Variants in HECTD4 observed in about 807,000 individuals in gnomAD.
The protein encoded by HECTD4 is probable E3 ubiquitin-protein ligase HECTD4.
A neutral mutation model predicts 471.5 loss-of-function variants in HECTD4; 114 were observed. That is an observed-to-expected ratio of 0.24 (90% confidence interval 0.21 to 0.28). HECTD4 has a LOEUF of 0.28. HECTD4 is among the 10% of genes least tolerant of loss of function. The pLI, the probability that HECTD4 is intolerant of heterozygous loss-of-function variation, is 1.00. For synonymous variants in HECTD4, 2,012 were observed against 2,256.0 expected, an observed-to-expected ratio of 0.89 and a Z score of 3.07; for missense variants, 3,866 against 5,651.5, an observed-to-expected ratio of 0.68 and a Z score of 10.13.
At chr12:112,380,008 G>A (rs1240807922) in intron 1 of HECTD4, among the ~76,000 whole-genome samples, 2 of 151,354 alleles carry the variant, frequency 1.3e-5, no homozygotes, top group Non-Finnish European at 2.9e-5. Context: ...ACAAATTCAC[G>A]CAATACATTT....
chr12:112,176,531 G>A (rs1227286519), intron 65 of HECTD4, 65 bp downstream of exon 65: 4 of 1,131,220 alleles, frequency 3.5e-6, no homozygotes, highest in Non-Finnish European at 5.4e-6. Context: ...TGCTCCTCGG[G>A]GGGTGCCTAG....
At position 112,190,915 on chromosome 12, in the gene HECTD4, C is replaced by G; in HGVS notation, c.9343G>C (p.Glu3115Gln). The G allele has an allele frequency of 6.4e-7, 1 of 1,570,504 alleles. No homozygotes were observed. The highest frequency in any genetic ancestry group is 8.6e-7 in the Non-Finnish European group (1 of 1,157,924). Residue 3115 changes from glutamate (E) to glutamine (Q), a missense_variant, in exon 60 of 76, where the codon GAG (glutamate) becomes CAG (glutamine). Physicochemically the swap from Glu to Gln is conservative, Grantham distance 29 (BLOSUM62 2). Transcript: ENST00000682272. The part of the protein sequence containing the change: ...AVLVLHSLPL[E>Q]FPLAMAFAEQ... ...GCGAAGGCCATAGCCAGTGGGAACTCCAGGGGCAGGGAATGTAACACCAGG... is the reference window on the plus strand; with the variant it reads ...GCGAAGGCCATAGCCAGTGGGAACTGCAGGGGCAGGGAATGTAACACCAGG...
rs1473718484 is a variant in HECTD4 at position 112,269,781 on chromosome 12, C to G, written c.2244G>C (p.Leu748Phe). 1 of 1,613,844 alleles carries G rather than the reference C, an allele frequency of 6.2e-7. No individual in the cohort carries two copies. Among genetic ancestry groups the G allele is most frequent in the Non-Finnish European group, 8.5e-7 (1 of 1,179,846 alleles). ...GAGCCATCAACAACTGCCAAAGAAG[C>G]AATCCCGACCGTCGAATGATGTCTC... ...RNRDIIRRSG[L>F]LLWQLLMAPK... Residue 748 changes from leucine to phenylalanine, a missense_variant, in exon 13 of 76, where the codon TTG becomes TTC. Transcript: ENST00000682272.
chr12:112,294,855 A>T (rs1212177095), intron 7 of HECTD4, among the ~76,000 whole-genome samples: 1 of 152,212 alleles, frequency 6.6e-6, no homozygotes, highest in Non-Finnish European at 1.5e-5. Context: ...AAACTTTAAA[A>T]ACATATGAAA....
intron 1 of HECTD4, among the ~76,000 whole-genome samples, chr12:112,377,252 T>C (rs1306303860): frequency 1.3e-5 from 2 of 151,430 alleles, no homozygotes; most frequent in African/African-American, 4.9e-5. Flanking sequence ...CTGGACAATA[T>C]AGCAAGGCCC....
At chr12:112,241,635 C>CT (rs2033644332) in intron 32 of HECTD4, among the ~76,000 whole-genome samples, 1 of 152,002 alleles carries the variant, frequency 6.6e-6, no homozygotes, top group African/African-American at 2.4e-5. Context: ...TAATTTTTTC[C>CT]TTTTTGTAGA....
intron 1 of HECTD4, among the ~76,000 whole-genome samples, chr12:112,367,692 G>A (rs1052054789): frequency 6.6e-6 from 1 of 151,522 alleles, no homozygotes; most frequent in African/African-American, 2.4e-5. Context: ...GTGGTGGCAT[G>A]CACCTGTAAT....
At position 112,254,302 on chromosome 12, in the gene HECTD4, C is replaced by T. The variant is rs904160821; in HGVS notation, c.3328-140G>A. 7 of 1,053,570 alleles carry T rather than the reference C, an allele frequency of 6.6e-6. No homozygotes were observed. The East Asian group carries it at 8.0e-5, about 12-fold the overall frequency. 65.3% of individuals were successfully genotyped at this position (1,053,570 alleles called of 1,614,324 possible). A position where few individuals can be genotyped will look rare whatever the true frequency, so the allele number is the denominator to read the frequency against. On this transcript the variant is annotated intron_variant, in intron 21 of 75. Coordinates refer to ENST00000682272, the MANE Select transcript of HECTD4 (RefSeq NM_001388303.1). ...TCATTATAGTATAACTAATATTTCC[C>T]GATTTTTTTAGGTATAACTGATACT...
chr12:112,352,815 A>C (rs1021100942), intron 1 of HECTD4, among the ~76,000 whole-genome samples: 1 of 151,486 alleles, frequency 6.6e-6, no homozygotes, highest in African/African-American at 2.4e-5. Flanking sequence ...CTATGTTGCC[A>C]GGGCTGGTCT....
Position 112,233,100 on chromosome 12 carries a change from G to A in HECTD4, c.5916-15C>T. The A allele has an allele frequency of 6.3e-7, 1 of 1,595,270 alleles. No individual in the cohort carries two copies. On this transcript the variant is annotated splice_polypyrimidine_tract_variant and intron_variant, in intron 37 of 75. Coordinates refer to ENST00000682272, the MANE Select transcript of HECTD4 (RefSeq NM_001388303.1). ...CTTCTGAACTACTGAAAAAAGGCAG[G>A]CAGAGAACACAGCACACCTTACAGG...
At chr12:112,255,246 T>A (rs572790418) in intron 21 of HECTD4, among the ~76,000 whole-genome samples, 1 of 152,286 alleles carries the variant, frequency 6.6e-6, no homozygotes, top group South Asian at 2.1e-4. Flanking sequence ...CACCTGAACC[T>A]GGGAAATGGG....
chr12:112,220,180 C>G (rs1159094979), intron 44 of HECTD4, among the ~76,000 whole-genome samples: 1 of 152,122 alleles, frequency 6.6e-6, no homozygotes, highest in Non-Finnish European at 1.5e-5. Flanking sequence ...TTGTTATTCT[C>G]ATCATCTAAT....
intron 55 of HECTD4, among the ~76,000 whole-genome samples, 165 bp from the exon 56 acceptor site, chr12:112,195,231 ATTAAG>A (rs1361938171): frequency 6.6e-6 from 1 of 152,252 alleles, no homozygotes; most frequent in African/African-American, 2.4e-5. Context: ...CAAAAGTCAC[ATTAAG>A]TTATATTGTT....
chr12:112,247,644 C>A, intron 27 of HECTD4, 94 bp from the exon 28 acceptor site: 1 of 493,522 alleles, frequency 2.0e-6, no homozygotes. Context: ...GAAAAACCAC[C>A]ACCTTTGGTC....
At chr12:112,333,866 T>C (rs1189240753) in intron 1 of HECTD4, among the ~76,000 whole-genome samples, 2 of 152,172 alleles carry the variant, frequency 1.3e-5, no homozygotes, top group Non-Finnish European at 2.9e-5. Flanking sequence ...ATTTCTCATA[T>C]GTATTCTACA....
chr12:112,380,855 C>A (rs12300530), intron 1 of HECTD4, among the ~76,000 whole-genome samples: 6,076 of 152,202 alleles, frequency 0.04, 266 homozygotes, highest in African/African-American at 0.11. Flanking sequence ...GCTTTTAATT[C>A]ATTTCTATAA....
At chr12:112,306,256 T>A in intron 6 of HECTD4, 22 bp from the exon 7 acceptor site, 3 of 1,483,098 alleles carry the variant, frequency 2.0e-6, no homozygotes, top group Non-Finnish European at 2.7e-6. Context: ...AGGGAGGAAA[T>A]CTCCATTAGA....
rs780415076 is a variant in HECTD4, at chr12:112,233,064, G to A, written c.5937C>T (p.Phe1979=). Residue 1979 remains phenylalanine, a synonymous_variant, in exon 38 of 76, where the codon TTC becomes TTT. Coordinates refer to ENST00000682272, the MANE Select transcript of HECTD4 (RefSeq NM_001388303.1). ...PLLSSSEGRP[F]RLGTGANMEK... ...CCATGTTGGCGCCAGTACCAAGTCG[G>A]AAGGGCCGTCCTTCTGAACTACTGA... 15 of 1,610,880 alleles carry A rather than the reference G, an allele frequency of 9.3e-6. No homozygotes were observed. The African/African-American group carries it at 1.9e-4, about 20-fold the overall frequency.
intron 1 of HECTD4, among the ~76,000 whole-genome samples, chr12:112,336,215 G>A (rs767687170): frequency 6.6e-6 from 1 of 152,098 alleles, no homozygotes; most frequent in Non-Finnish European, 1.5e-5. Context: ...TGTGTGTGGC[G>A]GGAAAGAATT....
Sources: gnomAD v4.1 joint callset for allele counts (sites outside exome capture counted in the v4.1 genomes callset) on GRCh38, gnomAD v4.1.1 for gene constraint, MANE v1.5 for transcripts, NCBI Gene and HGNC (gene_info 2026-07-23, HGNC 2026-07-21) for gene names.